SLC14A2: variants seen among roughly 807,000 people sequenced by gnomAD.
SLC14A2 encodes the protein solute carrier family 14 member 2, also known as urea transporter 2.
SLC14A2 carries 91 observed loss-of-function variants against 104.6 expected under a neutral mutation model. That is an observed-to-expected ratio of 0.87 (90% CI 0.73 to 1.04). The LOEUF is 1.04. Ranked by LOEUF, SLC14A2 falls within the 50% of genes least tolerant of loss-of-function variation. SLC14A2 has a pLI of 0.00. For synonymous variants in SLC14A2, 476 were observed against 466.4 expected (o/e 1.02, Z -0.27); for missense variants, 1,189 against 1,156.0 (o/e 1.03, Z -0.41).
intron 2 of SLC14A2, among the ~76,000 whole-genome samples, chr18:45,488,057 C>T (rs1302167667): frequency 6.6e-6 from 1 of 152,128 alleles, no homozygotes; most frequent in African/African-American, 2.4e-5. Context: ...TGGAATTAAA[C>T]CTGATTACAA....
chr18:45,668,555 C>G (rs2046073042), intron 15 of SLC14A2, 78 bp downstream of exon 15: 9 of 1,501,154 alleles, frequency 6.0e-6, no homozygotes, highest in Non-Finnish European at 8.3e-6. Flanking sequence ...GACCGTCTGT[C>G]TAAACGTGAT....
intron 1 of SLC14A2, among the ~76,000 whole-genome samples, chr18:45,227,046 A>G (rs750245273): frequency 6.2e-4 from 94 of 152,144 alleles, no homozygotes; most frequent in Non-Finnish European, 1.1e-3. Flanking sequence ...CAAGGCAGGA[A>G]GAAGGAAAGG....
In SLC14A2 at chr18:45,597,937, A is replaced by G. The variant is rs550596240; in HGVS notation, c.-34-26694A>G. On this transcript the variant is annotated intron_variant, in intron 2 of 20. Transcript: ENST00000586448. ...GTGTGTGAAAGAGGCCTGAGCCACC[A>G]GGTAAGTGACAGTCCCTTGTACTGA... 3.3e-5 allele frequency among the ~76,000 whole-genome samples: 5 copies of G among 152,310 alleles called. No individual in the cohort carries two copies. The South Asian group carries it at 1.0e-3, about 32-fold the overall frequency.
At chr18:45,373,050 C>T (rs1048137026) in intron 1 of SLC14A2, among the ~76,000 whole-genome samples, 7 of 152,162 alleles carry the variant, frequency 4.6e-5, no homozygotes, top group South Asian at 2.1e-4. Context: ...CAGCTCTAGA[C>T]TACACTTCTG....
the SLC14A2 span, among the ~76,000 whole-genome samples, chr18:45,200,789 T>C: frequency 7.2e-5 from 11 of 152,180 alleles, no homozygotes; most frequent in Non-Finnish European, 1.0e-4. Context: ...GTTTTATACT[T>C]ATAGAAATAT....
At chr18:45,530,555 T>G (rs1018573517) in intron 2 of SLC14A2, among the ~76,000 whole-genome samples, 1 of 152,150 alleles carries the variant, frequency 6.6e-6, no homozygotes, top group South Asian at 2.1e-4. Context: ...TATCTAGTCT[T>G]CTGTAAGTCT....
At chr18:45,276,722 A>T (rs2084706599) in intron 1 of SLC14A2, among the ~76,000 whole-genome samples, 1 of 152,242 alleles carries the variant, frequency 6.6e-6, no homozygotes, top group African/African-American at 2.4e-5. Flanking sequence ...AAATAACTGA[A>T]TTATCATCAA....
chr18:45,446,091 G>C (rs2086764759), intron 1 of SLC14A2, among the ~76,000 whole-genome samples: 3 of 152,196 alleles, frequency 2.0e-5, no homozygotes, highest in Non-Finnish European at 4.4e-5. Flanking sequence ...ACCTCTTGCT[G>C]TCACCATGGG....
chr18:45,187,713 T>A, the SLC14A2 span, among the ~76,000 whole-genome samples: 2 of 152,124 alleles, frequency 1.3e-5, no homozygotes, highest in Admixed American at 6.5e-5. Flanking sequence ...CCAGATCACT[T>A]CTTCTCTATG....
At chr18:45,221,198 A>T (rs1302468617) in intron 1 of SLC14A2, among the ~76,000 whole-genome samples, 1 of 152,224 alleles carries the variant, frequency 6.6e-6, no homozygotes, top group Admixed American at 6.5e-5. Context: ...ACTAGGAAAA[A>T]GAGAAATCAC....
chr18:45,231,526 G>A (rs774007223), intron 1 of SLC14A2, among the ~76,000 whole-genome samples: 1 of 152,178 alleles, frequency 6.6e-6, no homozygotes, highest in Non-Finnish European at 1.5e-5. Context: ...GTATCTTGAT[G>A]ATTAAGCTAG....
chr18:45,542,715 G>A (rs2043909038), intron 2 of SLC14A2, among the ~76,000 whole-genome samples: 1 of 152,100 alleles, frequency 6.6e-6, no homozygotes, highest in Non-Finnish European at 1.5e-5. Context: ...CACAGATGAA[G>A]CATCTGAAAC....
Position 45,625,760 on chromosome 18 carries a change from CG to C in SLC14A2, c.232del (p.Val78TrpfsTer25), listed in dbSNP as rs1568303690. On this transcript the variant is annotated frameshift_variant, in exon 3 of 20. Transcript: ENST00000255226. LOFTEE classifies it high-confidence loss of function. The stretch of plus-strand genomic sequence containing the variant: ...ATGAAAGGAGTAAAAGGAAAGACGA[CG>C]GGGTGGCCCATCGGGACTCAGCAGG... Reference protein sequence around the residue: ...LNERSKRKDDGVAHRDSAGQR... With the variant: ...LNERSKRKDDXVAHRDSAGQR... The C allele has an allele frequency of 1.3e-6, 2 of 1,564,608 alleles. No individual in the cohort carries two copies. Among genetic ancestry groups the C allele is most frequent in the Non-Finnish European group, 1.7e-6 (2 of 1,160,752 alleles).
At chr18:45,641,153 G>GTGGT (rs2045521108) in intron 7 of SLC14A2, 56 bp from the exon 8 acceptor site, 1 of 1,592,062 alleles carries the variant, frequency 6.3e-7, no homozygotes, top group African/African-American at 1.3e-5. Flanking sequence ...CAGTCCCAGG[G>GTGGT]TGGTCTTTGT....
intron 2 of SLC14A2, among the ~76,000 whole-genome samples, chr18:45,544,938 A>G (rs2043948256): frequency 6.6e-6 from 1 of 151,898 alleles, no homozygotes; most frequent in African/African-American, 2.4e-5. Flanking sequence ...GATTACAGGC[A>G]TGCAACACCA....
chr18:45,393,341 A>G (rs985584979), intron 1 of SLC14A2, among the ~76,000 whole-genome samples: 3 of 152,126 alleles, frequency 2.0e-5, no homozygotes, highest in Non-Finnish European at 2.9e-5. Context: ...CCCTCTGTCA[A>G]TCCATGCCTG....
intron 1 of SLC14A2, among the ~76,000 whole-genome samples, chr18:45,429,702 GAA>G (rs1175327586): frequency 6.6e-6 from 1 of 152,192 alleles, no homozygotes; most frequent in Non-Finnish European, 1.5e-5. Context: ...CAGAGGGAAA[GAA>G]AGACAGAAGT....
At chr18:45,597,534 T>G (rs1177223331) in intron 2 of SLC14A2, among the ~76,000 whole-genome samples, 2 of 152,006 alleles carry the variant, frequency 1.3e-5, no homozygotes, top group Non-Finnish European at 2.9e-5. Flanking sequence ...CTAAAAGGGT[T>G]GGAAAGTTGG....
At chr18:45,598,014 T>C (rs1426725650) in intron 2 of SLC14A2, among the ~76,000 whole-genome samples, 3 of 152,072 alleles carry the variant, frequency 2.0e-5, no homozygotes, top group Non-Finnish European at 2.9e-5. Context: ...AGGCCAGTCA[T>C]ACACACCCAA....
Sources: gnomAD v4.1 joint callset for allele counts (sites outside exome capture counted in the v4.1 genomes callset) on GRCh38, gnomAD v4.1.1 for gene constraint, MANE v1.5 for transcripts, NCBI Gene and HGNC (gene_info 2026-07-23, HGNC 2026-07-21) for gene names.